Variants in UBE3D observed in about 807,000 individuals in gnomAD.
The protein encoded by UBE3D is E3 ubiquitin-protein ligase E3D.
Under a neutral mutation model 49.6 loss-of-function variants are expected in UBE3D, and 48 were observed. That is an observed-to-expected ratio of 0.97 (90% CI 0.77 to 1.23). UBE3D has a LOEUF of 1.23. Among genes scored for constraint, UBE3D ranks in the 50% most tolerant of loss-of-function variants. The pLI, the probability that UBE3D is intolerant of heterozygous loss-of-function variation, is 0.00. For synonymous variants in UBE3D, 189 were observed against 174.2 expected (o/e 1.08, Z -0.67); for missense variants, 452 against 468.4 (o/e 0.96, Z 0.32).
intron 1 of UBE3D, among the ~76,000 whole-genome samples, chr6:83,059,472 A>G (rs1369973243): frequency 3.9e-5 from 6 of 152,224 alleles, no homozygotes; most frequent in Non-Finnish European, 8.8e-5. Flanking sequence ...CCAATGGGCC[A>G]TAGTTCTCTG....
intron 2 of UBE3D, among the ~76,000 whole-genome samples, chr6:83,055,754 G>C (rs1339503751): frequency 2.0e-5 from 3 of 152,140 alleles, no homozygotes; most frequent in African/African-American, 7.2e-5. Context: ...TACTATAGTT[G>C]TCCTTAAAAG....
intron 9 of UBE3D, chr6:82,938,801 G>C (rs753911935): frequency 6.6e-6 from 1 of 151,956 alleles, no homozygotes; most frequent in African/African-American, 2.4e-5. Context: ...CTATTGAATC[G>C]GAATCTCTCT....
chr6:83,050,878 A>T (rs1338257612), intron 3 of UBE3D, among the ~76,000 whole-genome samples: 1 of 152,218 alleles, frequency 6.6e-6, no homozygotes, highest in Non-Finnish European at 1.5e-5. Context: ...CACAGGTGTG[A>T]CATGAAAAGG....
chr6:83,033,089 C>A (rs561231763), intron 5 of UBE3D, among the ~76,000 whole-genome samples: 22 of 152,176 alleles, frequency 1.4e-4, no homozygotes, highest in Non-Finnish European at 2.6e-4. Context: ...CTGGTAAGGA[C>A]CTTGGGAACC....
At chr6:82,974,195 G>A (rs1777549169) in intron 8 of UBE3D, among the ~76,000 whole-genome samples, 1 of 152,122 alleles carries the variant, frequency 6.6e-6, no homozygotes. Flanking sequence ...TAAATGTAAT[G>A]TGTACGAATC....
chr6:83,028,899 T>A (rs1286406680), intron 5 of UBE3D, among the ~76,000 whole-genome samples: 5 of 152,208 alleles, frequency 3.3e-5, no homozygotes, highest in African/African-American at 1.2e-4. Flanking sequence ...CTGTTGGTTG[T>A]CACATCTTTT....
intron 8 of UBE3D, among the ~76,000 whole-genome samples, chr6:82,968,326 C>A (rs1436373290): frequency 6.6e-6 from 1 of 150,490 alleles, no homozygotes; most frequent in African/African-American, 2.5e-5. Flanking sequence ...CCCCTGCCCC[C>A]CACCCCATCA....
At chr6:82,963,236 T>A (rs1582480846) in intron 8 of UBE3D, among the ~76,000 whole-genome samples, 4 of 128,520 alleles carry the variant, frequency 3.1e-5, no homozygotes, top group Non-Finnish European at 1.6e-5. Flanking sequence ...GAGAACAAAA[T>A]GGAAAGAGGA....
chr6:82,908,184 G>A (rs1772240860), intron 9 of UBE3D, among the ~76,000 whole-genome samples: 1 of 152,134 alleles, frequency 6.6e-6, no homozygotes, highest in South Asian at 2.1e-4. Flanking sequence ...TTTCAAAGAG[G>A]AACGATTAAC....
intron 9 of UBE3D, among the ~76,000 whole-genome samples, chr6:82,911,344 T>C (rs1355170297): frequency 6.6e-6 from 1 of 152,146 alleles, no homozygotes; most frequent in Non-Finnish European, 1.5e-5. Flanking sequence ...AGGACCAGAA[T>C]TGAAGTTTTG....
intron 8 of UBE3D, among the ~76,000 whole-genome samples, chr6:82,998,702 C>A (rs1391206693): frequency 6.6e-6 from 1 of 152,188 alleles, no homozygotes; most frequent in Non-Finnish European, 1.5e-5. Flanking sequence ...TCTACCAGAT[C>A]TAAGTTTCAG....
intron 9 of UBE3D, among the ~76,000 whole-genome samples, chr6:82,899,578 G>A (rs1213995740): frequency 6.6e-6 from 1 of 152,208 alleles, no homozygotes; most frequent in African/African-American, 2.4e-5. Flanking sequence ...AGGATGAGAA[G>A]TACTTTAAGA....
chr6:82,928,357 T>G (rs1313014676), intron 9 of UBE3D, among the ~76,000 whole-genome samples: 3 of 152,074 alleles, frequency 2.0e-5, no homozygotes, highest in Non-Finnish European at 4.4e-5. Flanking sequence ...TTAATGTTGT[T>G]GTATGTATTA....
intron 8 of UBE3D, 30 bp downstream of exon 8, chr6:83,018,943 G>A: frequency 6.2e-7 from 1 of 1,609,834 alleles, no homozygotes; most frequent in Non-Finnish European, 8.5e-7. Flanking sequence ...AAAACATAAT[G>A]TGGAAAGAGA....
chr6:82,950,836 G>C (rs1775736947), intron 9 of UBE3D, among the ~76,000 whole-genome samples: 1 of 152,104 alleles, frequency 6.6e-6, no homozygotes, highest in Non-Finnish European at 1.5e-5. Context: ...ATTATGTTAA[G>C]TGAAATAAGC....
chr6:82,991,732 C>T (rs966487385), intron 8 of UBE3D, among the ~76,000 whole-genome samples: 2 of 152,040 alleles, frequency 1.3e-5, no homozygotes, highest in Non-Finnish European at 2.9e-5. Context: ...ATAGCAATCC[C>T]TGAGCAGTTA....
Position 83,054,174 on chromosome 6 carries a change from G to A in UBE3D, c.339C>T (p.Ser113=). Reference sequence around the variant, plus strand: ...TGTCTTTTATTATGACTTCACCGCAGGATTGGCAATAAAACGTGCAACATT... The same window carrying A: ...TGTCTTTTATTATGACTTCACCGCAAGATTGGCAATAAAACGTGCAACATT... ...TQECCTFYCQ[S]CGEVIIKDRK... Residue 113 remains serine, a synonymous_variant, in exon 3 of 10, where the codon TCC becomes TCT. Coordinates refer to ENST00000369747, the MANE Select transcript of UBE3D (RefSeq NM_198920.3). 1 of 1,613,814 alleles carries A rather than the reference G, an allele frequency of 6.2e-7. No homozygotes were observed. Among genetic ancestry groups the A allele is most frequent in the Non-Finnish European group, 8.5e-7 (1 of 1,179,916 alleles).
the UBE3D span, among the ~76,000 whole-genome samples, chr6:82,886,091 C>A: frequency 6.6e-6 from 1 of 152,190 alleles, no homozygotes; most frequent in African/African-American, 2.4e-5. Flanking sequence ...TCATACAAAG[C>A]AATCTCTAAT....
At chr6:82,986,134 A>C (rs1778473690) in intron 8 of UBE3D, among the ~76,000 whole-genome samples, 1 of 152,190 alleles carries the variant, frequency 6.6e-6, no homozygotes, top group Non-Finnish European at 1.5e-5. Context: ...AATGATAGTT[A>C]CCGTCTTATC....
Sources: allele counts gnomAD v4.1 joint callset (sites outside exome capture counted in the v4.1 genomes callset), GRCh38; gene constraint gnomAD v4.1.1; transcripts MANE v1.5; gene names NCBI Gene and HGNC (gene_info 2026-07-23, HGNC 2026-07-21).